Variants in VWA8 observed in about 807,000 individuals in gnomAD.
VWA8 encodes von Willebrand factor A domain-containing protein 8.
In VWA8, 221 loss-of-function variants were observed where a neutral mutation model predicts 241.5. That is an observed-to-expected ratio of 0.91 (90% CI 0.82 to 1.02). The LOEUF is 1.02. Among genes scored for constraint, VWA8 ranks in the 50% least tolerant of loss-of-function variants. The pLI, the probability that VWA8 is intolerant of heterozygous loss-of-function variation, is 0.00. For missense variants in VWA8, 2,322 were observed against 2,328.7 expected (o/e 1.00, Z 0.06); for synonymous variants, 852 against 827.1 (o/e 1.03, Z -0.52).
intron 40 of VWA8, among the ~76,000 whole-genome samples, chr13:41,593,984 A>G (rs2044472813): frequency 6.6e-6 from 1 of 152,184 alleles, no homozygotes; most frequent in African/African-American, 2.4e-5. Context: ...CCAAGTTTTC[A>G]TAAATACATT....
intron 24 of VWA8, among the ~76,000 whole-genome samples, chr13:41,726,349 C>T (rs1248549786): frequency 6.6e-6 from 1 of 152,094 alleles, no homozygotes; most frequent in Admixed American, 6.5e-5. Flanking sequence ...TGGGTAATTG[C>T]TAGATCAAAG....
intron 42 of VWA8, among the ~76,000 whole-genome samples, chr13:41,583,832 G>C (rs1316202584): frequency 3.3e-5 from 5 of 151,918 alleles, no homozygotes; most frequent in African/African-American, 1.2e-4. Flanking sequence ...AGCAGGGAGA[G>C]GGGACAATTA....
chr13:41,644,698 C>A (rs1329477363), intron 37 of VWA8, among the ~76,000 whole-genome samples: 1 of 152,246 alleles, frequency 6.6e-6, no homozygotes, highest in Non-Finnish European at 1.5e-5. Context: ...CAGCCCTGAA[C>A]TGGAGTAATT....
chr13:41,938,873 T>C (rs764785397), intron 2 of VWA8, among the ~76,000 whole-genome samples: 2 of 152,166 alleles, frequency 1.3e-5, no homozygotes, highest in Non-Finnish European at 2.9e-5. Context: ...AATTGACAAA[T>C]AGCTGCAATG....
At chr13:41,827,140 A>G (rs2137994944) in intron 14 of VWA8, among the ~76,000 whole-genome samples, 1 of 152,304 alleles carries the variant, frequency 6.6e-6, no homozygotes, top group South Asian at 2.1e-4. Context: ...TATTAACTTG[A>G]GGAAAAAACA....
At chr13:41,890,446 G>A (rs1412665739) in intron 5 of VWA8, among the ~76,000 whole-genome samples, 1 of 152,202 alleles carries the variant, frequency 6.6e-6, no homozygotes, top group East Asian at 1.9e-4. Flanking sequence ...GCTTGAGCTG[G>A]ATGAACAAGG....
At chr13:41,901,167 C>T (rs1875407128) in intron 4 of VWA8, among the ~76,000 whole-genome samples, 1 of 146,304 alleles carries the variant, frequency 6.8e-6, no homozygotes, top group African/African-American at 2.5e-5. Context: ...GGCTGGATTG[C>T]AATGACTCAA....
intron 14 of VWA8, among the ~76,000 whole-genome samples, chr13:41,824,378 G>C (rs746482531): frequency 3.9e-5 from 6 of 152,154 alleles, no homozygotes; most frequent in African/African-American, 7.2e-5. Flanking sequence ...TGTGCGGAGA[G>C]GAAGGGGTTT....
intron 2 of VWA8, among the ~76,000 whole-genome samples, chr13:41,922,965 G>A (rs942584914): frequency 5.3e-5 from 8 of 152,166 alleles, no homozygotes; most frequent in African/African-American, 1.9e-4. Context: ...AAATCATGCT[G>A]CTATAAAGAC....
chr13:41,718,820 G>T (rs1184784991), intron 26 of VWA8, among the ~76,000 whole-genome samples: 1 of 151,288 alleles, frequency 6.6e-6, no homozygotes, highest in African/African-American at 2.4e-5. Context: ...TCCTTTTGGG[G>T]CTAAAATTGA....
chr13:41,771,136 T>G (rs1291552597), intron 20 of VWA8, among the ~76,000 whole-genome samples: 1 of 152,222 alleles, frequency 6.6e-6, no homozygotes, highest in African/African-American at 2.4e-5. Context: ...TTCCTTTCTT[T>G]TTTTGAGATG....
Position 41,858,798 on chromosome 13 carries a change from T to TTAGA in VWA8, c.1425+6934_1425+6937dup, listed in dbSNP as rs571708362. 1.7e-3 allele frequency among the ~76,000 whole-genome samples: 263 copies of TTAGA among 152,328 alleles called. 2 individuals carry two copies. The highest frequency in any genetic ancestry group is 5.8e-3 in the African/African-American group (242 of 41,586). On this transcript the variant is annotated intron_variant, in intron 12 of 44. Transcript: ENST00000379310. ...TGTAGGAGCTGAAGTAAGTAAATTC[T>TTAGA]TAGATAGCATTGTAAGAGCTATTCT... is the stretch of plus-strand genomic sequence containing the variant.
chr13:41,605,417 T>A, intron 39 of VWA8, 141 bp from the exon 40 acceptor site: 2 of 733,718 alleles, frequency 2.7e-6, no homozygotes, highest in Non-Finnish European at 4.6e-6. Flanking sequence ...AGAAGTGATG[T>A]CTCCAGCTGT....
rs1466663602 is a variant in VWA8 at position 41,699,076 on chromosome 13, G to C, written c.3559C>G (p.Gln1187Glu). Reference sequence around the variant, plus strand: ...TGTAGCCTGGTGTGCATTACCTGCTGCTCATGGAGAACCACTTGACCTTTG... The same window carrying C: ...TGTAGCCTGGTGTGCATTACCTGCTCCTCATGGAGAACCACTTGACCTTTG... ...PLKGQVVLHE[Q>E]QSNVILLLDT... The change falls in exon 29 of 45, where the codon CAG becomes GAG. Residue 1187 changes from glutamine (Q) to glutamate (E), a missense_variant. By Grantham distance (29) the Gln-to-Glu change is conservative. Coordinates refer to ENST00000379310, the MANE Select transcript of VWA8 (RefSeq NM_015058.2). 4 of 1,613,764 alleles carry C rather than the reference G, an allele frequency of 2.5e-6. No individual in the cohort carries two copies. The highest frequency in any genetic ancestry group is 4.5e-5 in the East Asian group (2 of 44,890).
In VWA8 at chr13:41,831,694, A is replaced by G. The variant is rs142406375; in HGVS notation, c.1587-1052T>C. On this transcript the variant is annotated intron_variant, in intron 13 of 44. Transcript: ENST00000379310. The stretch of plus-strand genomic sequence containing the variant: ...CAGTGCAGTGGCGCGATCTAGGCTC[A>G]CTGCAACCTCCGCCTCCTGGGTTCA... Among the ~76,000 whole-genome samples the G allele has an allele frequency of 6.3e-3, 888 of 141,810 alleles. 6 individuals are homozygous for G. The highest frequency in any genetic ancestry group is 0.022 in the African/African-American group (808 of 36,962). 93.0% of individuals were successfully genotyped at this position (141,810 alleles called of 152,430 possible).
chr13:41,754,147 T>C (rs529890132), intron 21 of VWA8, among the ~76,000 whole-genome samples: 3 of 152,260 alleles, frequency 2.0e-5, no homozygotes, highest in African/African-American at 7.2e-5. Context: ...GTACCGATAC[T>C]GTTTGGCTGT....
chr13:41,584,047 G>A (rs937015974), intron 42 of VWA8, among the ~76,000 whole-genome samples: 3 of 152,114 alleles, frequency 2.0e-5, no homozygotes, highest in South Asian at 4.1e-4. Context: ...ATTTGGGGGC[G>A]GGGGTAGAGA....
intron 37 of VWA8, among the ~76,000 whole-genome samples, chr13:41,634,386 C>T (rs1032464214): frequency 1.3e-5 from 2 of 152,162 alleles, no homozygotes; most frequent in Admixed American, 6.6e-5. Flanking sequence ...TGTGAGGTAG[C>T]TTAACAGAAC....
rs1225261067 is a variant in VWA8 at position 41,863,406 on chromosome 13, T to A, written c.1425+2330A>T. ...TGTGTATCTCCTATTTGTGTGTGTG[T>A]GTGTGTGTGTGTGTGTGTGTGTGTG... On this transcript the variant is annotated intron_variant, in intron 12 of 44. Coordinates refer to ENST00000379310, the MANE Select transcript of VWA8 (RefSeq NM_015058.2). 5.4e-4 allele frequency among the ~76,000 whole-genome samples: 11 copies of A among 20,228 alleles called. 1 individual carries two copies. Among genetic ancestry groups the A allele is most frequent in the African/African-American group, 1.2e-3 (9 of 7,302 alleles). 13.3% of individuals were successfully genotyped at this position (20,228 alleles called of 152,430 possible). A position where few individuals can be genotyped will look rare whatever the true frequency, so the allele number is the denominator to read the frequency against.
Sources: allele counts gnomAD v4.1 joint callset (sites outside exome capture counted in the v4.1 genomes callset), GRCh38; gene constraint gnomAD v4.1.1; transcripts MANE v1.5; gene names NCBI Gene and HGNC (gene_info 2026-07-23, HGNC 2026-07-21).